The following GRID1 variants were observed in gnomAD, a reference collection of about 807,000 sequenced individuals.
The protein encoded by GRID1 is glutamate ionotropic receptor delta type subunit 1, also known as glutamate receptor ionotropic, delta-1.
A neutral mutation model predicts 98.0 loss-of-function variants in GRID1; 28 were observed. The ratio of observed to expected loss-of-function variants is 0.29; its 90% confidence interval spans 0.21 to 0.39. GRID1 has a LOEUF of 0.39. Ranked by LOEUF, GRID1 falls within the 10% of genes least tolerant of loss-of-function variation. GRID1 has a pLI of 1.00. For synonymous variants in GRID1, 553 were observed against 538.5 expected (o/e 1.03, Z -0.37); for missense variants, 1,111 against 1,340.5 (o/e 0.83, Z 2.67).
chr10:86,288,985 G>A (rs955295556), intron 2 of GRID1, among the ~76,000 whole-genome samples: 1 of 152,150 alleles, frequency 6.6e-6, no homozygotes, highest in African/African-American at 2.4e-5. Flanking sequence ...GTCTGTCCAG[G>A]CTTCTATGTG....
At chr10:86,162,860 C>T (rs1444490219) in intron 3 of GRID1, among the ~76,000 whole-genome samples, 1 of 152,134 alleles carries the variant, frequency 6.6e-6, no homozygotes, top group Non-Finnish European at 1.5e-5. Flanking sequence ...CTCCTGCGAA[C>T]AGAGTCCTGG....
chr10:85,825,524 C>A (rs1842811555), intron 8 of GRID1, among the ~76,000 whole-genome samples: 1 of 152,180 alleles, frequency 6.6e-6, no homozygotes, highest in African/African-American at 2.4e-5. Flanking sequence ...TGTGCAGAAG[C>A]ATTTGAATTT....
At chr10:86,171,846 G>A (rs563157225) in intron 3 of GRID1, among the ~76,000 whole-genome samples, 55 of 152,202 alleles carry the variant, frequency 3.6e-4, no homozygotes, top group African/African-American at 1.2e-3. Flanking sequence ...GAAAGCAAAC[G>A]CCGGAGGAAC....
chr10:86,242,865 A>T (rs1846660191), intron 2 of GRID1, among the ~76,000 whole-genome samples: 1 of 152,180 alleles, frequency 6.6e-6, no homozygotes, highest in Non-Finnish European at 1.5e-5. Context: ...AGTCACAGTA[A>T]CAAGTGGTAG....
At chr10:85,616,016 C>T (rs761212606) in intron 14 of GRID1, among the ~76,000 whole-genome samples, 2 of 152,170 alleles carry the variant, frequency 1.3e-5, no homozygotes, top group Non-Finnish European at 2.9e-5. Context: ...ATGTACCTAC[C>T]TCACAGGATA....
At position 86,142,072 on chromosome 10, in the gene GRID1, C is replaced by A. The variant is rs149559481; in HGVS notation, c.521-3048G>T. On this transcript the variant is annotated intron_variant, in intron 3 of 15. Transcript: ENST00000327946. The stretch of plus-strand genomic sequence containing the variant: ...TTTCCATTTCCACTCTTGAACCATG[C>A]CACCACCATGAGAACATCTCCAGGC... 1.1e-4 allele frequency among the ~76,000 whole-genome samples: 16 copies of A among 152,326 alleles called. No homozygotes were observed. In the East Asian group the frequency reaches 2.1e-3, roughly 20 times the overall value.
Position 86,192,462 on chromosome 10 carries a change from T to A in GRID1, c.520+13902A>T, listed in dbSNP as rs2132009387. Among the ~76,000 whole-genome samples the A allele has an allele frequency of 6.6e-6, 1 of 152,114 alleles. No individual in the cohort carries two copies. The highest frequency in any genetic ancestry group is 1.5e-5 in the Non-Finnish European group (1 of 67,992). Reference sequence around the variant, plus strand: ...AGGAACAAATACGGTACGAGTCCACTTATATGAGGCCCCTAGAATAGTCAA... The same window carrying A: ...AGGAACAAATACGGTACGAGTCCACATATATGAGGCCCCTAGAATAGTCAA... On this transcript the variant is annotated intron_variant, in intron 3 of 15. Coordinates refer to ENST00000327946, the MANE Select transcript of GRID1 (RefSeq NM_017551.3). This position sits in a 1 kb window ranked among gnomAD's most constrained non-coding sequence, Gnocchi z 4.8.
intron 4 of GRID1, among the ~76,000 whole-genome samples, chr10:86,058,915 T>C (rs2131911527): frequency 6.6e-6 from 1 of 152,292 alleles, no homozygotes; most frequent in Admixed American, 6.5e-5. Context: ...AAACTGCAGC[T>C]GGATAAACGC....
At position 86,189,761 on chromosome 10, in the gene GRID1, CCT is replaced by C. The variant is rs557353542; in HGVS notation, c.520+16601_520+16602del. 3.8e-3 allele frequency among the ~76,000 whole-genome samples: 575 copies of C among 152,292 alleles called. 6 individuals carry two copies. The highest frequency in any genetic ancestry group is 0.013 in the African/African-American group (535 of 41,550). ...AGGCCACTAGTACTCCTCCCTATCC[CCT>C]GTTATGACAGAGAAACACAAATGTC... is the stretch of plus-strand genomic sequence containing the variant. On this transcript the variant is annotated intron_variant, in intron 3 of 15. Coordinates refer to ENST00000327946, the MANE Select transcript of GRID1 (RefSeq NM_017551.3).
Position 86,366,276 on chromosome 10 carries a change from C to A in GRID1, c.79+38G>T. ...CGCGCACCCCCTGCCCCGTTGGGGC[C>A]CCCGCCCAGCCTCGGCCCGGCCTCC... On this transcript the variant is annotated intron_variant, in intron 1 of 15. Coordinates refer to ENST00000327946, the MANE Select transcript of GRID1 (RefSeq NM_017551.3). The surrounding 1 kb of genome is among the most constrained non-coding windows in gnomAD (Gnocchi z 4.1). 2.8e-6 allele frequency: 4 copies of A among 1,435,136 alleles called. No individual in the cohort carries two copies. The highest frequency in any genetic ancestry group is 3.7e-6 in the Non-Finnish European group (4 of 1,075,352). 88.9% of individuals were successfully genotyped at this position (1,435,136 alleles called of 1,614,324 possible).
At chr10:86,145,547 T>TACACACACACACATACAC (rs1845076581) in intron 3 of GRID1, among the ~76,000 whole-genome samples, 1 of 145,628 alleles carries the variant, frequency 6.9e-6, no homozygotes, top group African/African-American at 2.6e-5. Context: ...ATCCTCCACA[T>TACACACACACACATACAC]ACACACACAC....
At chr10:85,867,348 C>A (rs1843231295) in intron 6 of GRID1, among the ~76,000 whole-genome samples, 1 of 152,138 alleles carries the variant, frequency 6.6e-6, no homozygotes, top group Non-Finnish European at 1.5e-5. Context: ...GCAAGGGTGC[C>A]ATGTATTTGG....
chr10:86,085,694 C>A (rs777584786), intron 4 of GRID1, among the ~76,000 whole-genome samples: 55 of 152,144 alleles, frequency 3.6e-4, no homozygotes, highest in Non-Finnish European at 6.8e-4. Flanking sequence ...AGAGCTGTCA[C>A]CTCCATCCAA....
chr10:85,747,129 TC>T (rs1238383433), intron 8 of GRID1, among the ~76,000 whole-genome samples: 1 of 152,236 alleles, frequency 6.6e-6, no homozygotes, highest in East Asian at 1.9e-4. Flanking sequence ...GACTTGAGGC[TC>T]AGAACGGTTA....
chr10:86,198,384 T>C (rs768845635), intron 3 of GRID1, among the ~76,000 whole-genome samples: 4 of 151,924 alleles, frequency 2.6e-5, no homozygotes, highest in Non-Finnish European at 5.9e-5. Flanking sequence ...AATACAGCTG[T>C]GTTCTGGGCT....
intron 4 of GRID1, among the ~76,000 whole-genome samples, chr10:86,106,887 G>C (rs1844396268): frequency 6.6e-6 from 1 of 152,074 alleles, no homozygotes; most frequent in South Asian, 2.1e-4. Flanking sequence ...AAGGAGCCCA[G>C]GGGTGAAGAG....
chr10:85,871,653 T>G (rs1843279576), intron 5 of GRID1, among the ~76,000 whole-genome samples: 1 of 152,198 alleles, frequency 6.6e-6, no homozygotes, highest in Non-Finnish European at 1.5e-5. Context: ...TGGGAATTAG[T>G]GATGAGGGTT....
At chr10:85,854,761 G>T in intron 7 of GRID1, 146 bp from the exon 8 acceptor site, 1 of 718,906 alleles carries the variant, frequency 1.4e-6, no homozygotes, top group Non-Finnish European at 2.4e-6. Context: ...GACAAGATGG[G>T]CTAGTGGTCC....
At chr10:85,854,150 C>A (rs777880077) in intron 8 of GRID1, among the ~76,000 whole-genome samples, 1 of 152,210 alleles carries the variant, frequency 6.6e-6, no homozygotes, top group South Asian at 2.1e-4. Context: ...ACAATTCACA[C>A]TTGTCCCTGT....
Sources: gnomAD v4.1 joint callset for allele counts (sites outside exome capture counted in the v4.1 genomes callset) on GRCh38, gnomAD v4.1.1 for gene constraint, Gnocchi (gnomAD v3.1) non-coding constraint, MANE v1.5 for transcripts, NCBI Gene and HGNC (gene_info 2026-07-23, HGNC 2026-07-21) for gene names.